Variants in TFDP1 observed in about 807,000 individuals in gnomAD.
TFDP1 encodes the protein transcription factor Dp-1.
In TFDP1, 6 loss-of-function variants were observed where a neutral mutation model predicts 48.0. That is an observed-to-expected ratio of 0.13 (90% CI 0.07 to 0.25). The LOEUF is 0.25. TFDP1 is among the 10% of genes least tolerant of loss of function. TFDP1 has a pLI of 1.00. For missense variants in TFDP1, 335 were observed against 543.0 expected (o/e 0.62, Z 3.81); for synonymous variants, 201 against 211.6 (o/e 0.95, Z 0.44).
intron 2 of TFDP1, among the ~76,000 whole-genome samples, chr13:113,590,413 G>A (rs1216861496): frequency 6.6e-6 from 1 of 152,194 alleles, no homozygotes; most frequent in Non-Finnish European, 1.5e-5. Flanking sequence ...TACAGACCTG[G>A]ATGGTGAAGT....
At chr13:113,605,557 A>T (rs1189989691) in intron 2 of TFDP1, among the ~76,000 whole-genome samples, 3 of 152,090 alleles carry the variant, frequency 2.0e-5, no homozygotes, top group Non-Finnish European at 4.4e-5. Flanking sequence ...TGCAGTTGAG[A>T]TGTTGCCCAG....
chr13:113,631,766 C>T lies in TFDP1; in HGVS notation c.308+22C>T, dbSNP rs4150775. 8.5e-4 allele frequency: 1,379 copies of T among 1,612,914 alleles called. 17 individuals are homozygous for T. The African/African-American group carries it at 0.017, about 19-fold the overall frequency. ...CCGGGTGAGCACTTCCCTCTGGACC[C>T]TTAGAGTTGTAGGACTGCTTGCGGT... On this transcript the variant is annotated intron_variant, in intron 5 of 11. Transcript: ENST00000375370.
intron 3 of TFDP1, among the ~76,000 whole-genome samples, chr13:113,622,615 C>T (rs956844286): frequency 7.2e-5 from 11 of 152,168 alleles, no homozygotes; most frequent in Non-Finnish European, 1.5e-4. Context: ...TTTTGCATAC[C>T]GCTGTTGGAA....
rs535367726 is a variant in TFDP1, at chr13:113,609,693, G to T, written c.13-1303G>T. On this transcript the variant is annotated intron_variant, in intron 2 of 11. Transcript: ENST00000375370. ...TGGTGTGTCCCCTGACTGTTACCTG[G>T]GTGGCACCAGGGGGTTGTGGCGTCT... Among the ~76,000 whole-genome samples the T allele has an allele frequency of 2.0e-5, 3 of 152,028 alleles. No homozygotes were observed. The South Asian group carries it at 6.2e-4, about 32-fold the overall frequency.
intron 10 of TFDP1, chr13:113,637,589 A>G: frequency 6.6e-7 from 1 of 1,518,244 alleles, no homozygotes; most frequent in Non-Finnish European, 8.8e-7. Flanking sequence ...GTGTGCAGGT[A>G]TTTATTGCAA....
chr13:113,601,393 G>A (rs1474647799), intron 2 of TFDP1, among the ~76,000 whole-genome samples: 1 of 58,348 alleles, frequency 1.7e-5, no homozygotes, highest in Non-Finnish European at 2.9e-5. Flanking sequence ...GTGTGTTCTT[G>A]CACTTTGCCT....
rs1410665741 is a variant in TFDP1 at position 113,637,863 on chromosome 13, G to C, written c.1052G>C (p.Gly351Ala). Reference sequence around the variant, plus strand: ...GGAGGCGTGTTCATCACGACGGCAGGTTCCACGTCTAACGGCACAAGGTTC... The same window carrying C: ...GGAGGCGTGTTCATCACGACGGCAGCTTCCACGTCTAACGGCACAAGGTTC... Reference protein sequence around the residue: ...TVGGVFITTAGSTSNGTRFSA... With the variant: ...TVGGVFITTAASTSNGTRFSA... Residue 351 changes from glycine (G) to alanine (A), a missense_variant, in exon 11 of 12, where the codon GGT becomes GCT. Physicochemically the swap from Gly to Ala is moderately conservative, Grantham distance 60. Transcript: ENST00000375370. 6.2e-7 allele frequency: 1 copy of C among 1,614,108 alleles called. No homozygotes were observed. The highest frequency in any genetic ancestry group is 1.7e-5 in the Admixed American group (1 of 60,028).
At chr13:113,593,820 C>G (rs572511313) in intron 2 of TFDP1, among the ~76,000 whole-genome samples, 3 of 114,864 alleles carry the variant, frequency 2.6e-5, no homozygotes, top group Non-Finnish European at 5.1e-5. Context: ...AGGTGTCAGG[C>G]GTGATGCGTG....
At chr13:113,637,538 A>T (rs2049523479) in intron 10 of TFDP1, 1 of 1,364,132 alleles carries the variant, frequency 7.3e-7, no homozygotes, top group Non-Finnish European at 9.7e-7. Context: ...GATGGGTATG[A>T]TACTGAGGCA....
intron 8 of TFDP1, 68 bp downstream of exon 8, chr13:113,634,670 C>T (rs2140618357): frequency 5.8e-6 from 7 of 1,216,250 alleles, no homozygotes; most frequent in South Asian, 1.3e-5. Flanking sequence ...ATAACGGCAA[C>T]ATACTGCCTT....
intron 8 of TFDP1, 86 bp downstream of exon 8, chr13:113,634,688 A>G (rs1344108450): frequency 2.0e-6 from 2 of 977,584 alleles, no homozygotes; most frequent in Admixed American, 2.3e-5. Flanking sequence ...CTTGGGTTAC[A>G]CTCCTGCATG....
intron 3 of TFDP1, among the ~76,000 whole-genome samples, chr13:113,617,674 G>A (rs766820199): frequency 2.2e-5 from 3 of 137,082 alleles, no homozygotes; most frequent in Non-Finnish European, 4.5e-5. Flanking sequence ...CTGCAGAGCC[G>A]CTCACCTGCA....
chr13:113,589,855 C>A (rs1481592440), intron 2 of TFDP1, among the ~76,000 whole-genome samples: 2 of 152,220 alleles, frequency 1.3e-5, no homozygotes, highest in Non-Finnish European at 2.9e-5. Flanking sequence ...CCTGCCTGCC[C>A]AGGCAGCATG....
At chr13:113,589,845 C>T (rs1258108541) in intron 2 of TFDP1, among the ~76,000 whole-genome samples, 1 of 152,226 alleles carries the variant, frequency 6.6e-6, no homozygotes, top group African/African-American at 2.4e-5. Flanking sequence ...GGCCAAGTTT[C>T]CTGCCTGCCC....
chr13:113,599,413 A>T lies in TFDP1; in HGVS notation c.13-11583A>T, dbSNP rs537567177. On this transcript the variant is annotated intron_variant, in intron 2 of 11. Transcript: ENST00000375370. ...GCATTTACATTTCTCAAGTTGTCTCAAATTTGGAAAGTTTGTTTGCATTGG... is the reference window on the plus strand; with the variant it reads ...GCATTTACATTTCTCAAGTTGTCTCTAATTTGGAAAGTTTGTTTGCATTGG... Among the ~76,000 whole-genome samples, 96 of 152,320 alleles carry T rather than the reference A, an allele frequency of 6.3e-4. 1 individual carries two copies. The highest frequency in any genetic ancestry group is 1.8e-3 in the Admixed American group (28 of 15,308).
chr13:113,586,760 G>A (rs922485459), intron 2 of TFDP1, among the ~76,000 whole-genome samples: 4 of 152,318 alleles, frequency 2.6e-5, no homozygotes, highest in Admixed American at 2.0e-4. Flanking sequence ...CCTGACCTGC[G>A]ACCAGGCATG....
At position 113,633,423 on chromosome 13, in the gene TFDP1, G is replaced by GTC. The variant is rs980526283; in HGVS notation, c.474+139_474+140dup. The GTC allele has an allele frequency of 9.5e-7, 1 of 1,049,286 alleles. No homozygotes were observed. The highest frequency in any genetic ancestry group is 1.6e-5 in the African/African-American group (1 of 61,476). 65.0% of individuals were successfully genotyped at this position (1,049,286 alleles called of 1,614,324 possible). On this transcript the variant is annotated intron_variant, in intron 6 of 11. Coordinates refer to ENST00000375370, the MANE Select transcript of TFDP1 (RefSeq NM_007111.5). This position sits in a 1 kb window ranked among gnomAD's most constrained non-coding sequence, Gnocchi z 4.5. ...GCATAAAAGAATTTTTACCAAACGA[G>GTC]TCAGTAAGTGTGTGCCGGGGCCGAG...
At chr13:113,611,324 G>A (rs1372910027) in intron 3 of TFDP1, among the ~76,000 whole-genome samples, 1 of 152,240 alleles carries the variant, frequency 6.6e-6, no homozygotes, top group African/African-American at 2.4e-5. Context: ...GTAGAATATT[G>A]TAAAGAAGAA....
chr13:113,634,792 CGTGTGCATGCAT>C (rs2049431035), intron 8 of TFDP1, among the ~76,000 whole-genome samples, 190 bp downstream of exon 8: 1 of 62,774 alleles, frequency 1.6e-5, no homozygotes, highest in Non-Finnish European at 3.1e-5. Flanking sequence ...TGTGCACGTG[CGTGTGCATGCAT>C]GTGTGTGTGC....
Sources: allele counts gnomAD v4.1 joint callset (sites outside exome capture counted in the v4.1 genomes callset), GRCh38; gene constraint gnomAD v4.1.1; non-coding constraint Gnocchi (gnomAD v3.1); transcripts MANE v1.5; gene names NCBI Gene and HGNC (gene_info 2026-07-23, HGNC 2026-07-21).